Variants in FAAH observed in about 807,000 individuals in gnomAD.
FAAH encodes fatty-acid amide hydrolase 1.
FAAH carries 63 observed loss-of-function variants against 69.7 expected under a neutral mutation model. That is an observed-to-expected ratio of 0.90 (90% CI 0.74 to 1.12). The LOEUF (loss-of-function observed/expected upper bound fraction) is 1.12. FAAH is among the 50% of genes most tolerant of loss of function. FAAH has a pLI of 0.00. For synonymous variants in FAAH, 305 were observed against 324.2 expected, an observed-to-expected ratio of 0.94 and a Z score of 0.64; for missense variants, 680 against 755.0, an observed-to-expected ratio of 0.90 and a Z score of 1.16.
rs771614610 is a variant in FAAH at position 46,410,997 on chromosome 1, C to T, written c.1316+143C>T. 2.1e-6 allele frequency: 2 copies of T among 941,332 alleles called. No homozygotes were observed. The highest frequency in any genetic ancestry group is 2.0e-5 in the Admixed American group (1 of 51,106). 58.3% of individuals were successfully genotyped at this position (941,332 alleles called of 1,614,324 possible). A position where few individuals can be genotyped will look rare whatever the true frequency, so the allele number is the denominator to read the frequency against. On this transcript the variant is annotated intron_variant, in intron 11 of 14. Transcript: ENST00000243167. The surrounding 1 kb of genome is among the most constrained non-coding windows in gnomAD (Gnocchi z 4.9). ...CCAGGCAGGGGGGCAACCTTTGTGG[C>T]CTTCAGATGGGACTTTGAAGTTGTC...
At position 46,394,356 on chromosome 1, in the gene FAAH, A is replaced by G. The variant is rs1402412100; in HGVS notation, c.8A>G (p.Gln3Arg). The G allele has an allele frequency of 1.9e-6, 3 of 1,557,362 alleles. No individual in the cohort carries two copies. The highest frequency in any genetic ancestry group is 2.6e-6 in the Non-Finnish European group (3 of 1,156,484). The change falls in exon 1 of 15, where the codon CAG (glutamine) becomes CGG (arginine). Residue 3 changes from glutamine (Q) to arginine (R), a missense_variant. By Grantham distance (43) the Gln-to-Arg change is conservative. Coordinates refer to ENST00000243167, the MANE Select transcript of FAAH (RefSeq NM_001441.3). Reference sequence around the variant, plus strand: ...CAGCAGGCTGAAGGGATCATGGTGCAGTACGAGCTGTGGGCCGCGCTGCCT... The same window carrying G: ...CAGCAGGCTGAAGGGATCATGGTGCGGTACGAGCTGTGGGCCGCGCTGCCT... The part of the protein sequence containing the change: MV[Q>R]YELWAALPGA...
intron 2 of FAAH, 90 bp downstream of exon 2, chr1:46,402,294 C>G: frequency 8.6e-7 from 1 of 1,168,208 alleles, no homozygotes; most frequent in African/African-American, 1.5e-5. Context: ...TCCGCACAGG[C>G]TGTGGGGAAA....
intron 2 of FAAH, among the ~76,000 whole-genome samples, chr1:46,403,072 G>C (rs963504907): frequency 6.6e-6 from 1 of 152,068 alleles, no homozygotes; most frequent in Non-Finnish European, 1.5e-5. Context: ...GACCTCAGGT[G>C]ATCCACCCGC....
intron 1 of FAAH, among the ~76,000 whole-genome samples, chr1:46,400,360 G>A (rs1159593311): frequency 6.6e-6 from 1 of 152,122 alleles, no homozygotes. Flanking sequence ...GGCCCTAGTG[G>A]AAAGTGTGGG....
chr1:46,412,333 C>T lies in FAAH; in HGVS notation c.1465+82C>T, dbSNP rs544787040. 6.7e-4 allele frequency: 809 copies of T among 1,201,752 alleles called. 1 individual carries two copies. Among genetic ancestry groups the T allele is most frequent in the Non-Finnish European group, 8.6e-4 (723 of 837,794 alleles). The allele number at this position is 1,201,752 out of a possible 1,614,324, so 74.4% of individuals were successfully genotyped here. A position where few individuals can be genotyped will look rare whatever the true frequency, so the allele number is the denominator to read the frequency against. Reference sequence around the variant, plus strand: ...GCTGCGAGGAAATGGAAGAAGAGCCCTCTGGGAGGACCCTGCCCTCTCGGG... The same window carrying T: ...GCTGCGAGGAAATGGAAGAAGAGCCTTCTGGGAGGACCCTGCCCTCTCGGG... On this transcript the variant is annotated intron_variant, in intron 13 of 14. Coordinates refer to ENST00000243167, the MANE Select transcript of FAAH (RefSeq NM_001441.3).
intron 7 of FAAH, among the ~76,000 whole-genome samples, chr1:46,407,204 G>A (rs1000247574): frequency 4.6e-5 from 7 of 152,242 alleles, no homozygotes; most frequent in Non-Finnish European, 1.0e-4. Context: ...TGGCGAGGCA[G>A]CACTGTCTTG....
chr1:46,405,828 G>A lies in FAAH; in HGVS notation c.785+34G>A, dbSNP rs765607874. On this transcript the variant is annotated intron_variant, in intron 5 of 14. Coordinates refer to ENST00000243167, the MANE Select transcript of FAAH (RefSeq NM_001441.3). The surrounding 1 kb of genome is among the most constrained non-coding windows in gnomAD (Gnocchi z 4.1). ...GGTGGAGGGCGCTTCTGGGCCCCTC[G>A]CTGTGTGACCTTGGCCTAGCTTCCA... 6.2e-7 allele frequency: 1 copy of A among 1,611,138 alleles called. No homozygotes were observed. Among genetic ancestry groups the A allele is most frequent in the Admixed American group, 1.7e-5 (1 of 59,646 alleles).
Position 46,412,130 on chromosome 1 carries a change from G to A in FAAH, c.1357-13G>A. 1 of 1,551,306 alleles carries A rather than the reference G, an allele frequency of 6.4e-7. No homozygotes were observed. The highest frequency in any genetic ancestry group is 2.4e-5 in the East Asian group (1 of 41,012). ...TCTGAGTGCTTTCACCTGGTGTGTT[G>A]TGTCCTCCGCAGGTGTACCGCAAAA... is the stretch of plus-strand genomic sequence containing the variant. On this transcript the variant is annotated splice_polypyrimidine_tract_variant and intron_variant, in intron 12 of 14. Coordinates refer to ENST00000243167, the MANE Select transcript of FAAH (RefSeq NM_001441.3).
chr1:46,394,413 T>TC lies in FAAH; in HGVS notation c.66dup (p.Val23ArgfsTer67). 1 of 1,486,370 alleles carries TC rather than the reference T, an allele frequency of 6.7e-7. No homozygotes were observed. Among genetic ancestry groups the TC allele is most frequent in the Non-Finnish European group, 8.9e-7 (1 of 1,122,124 alleles). 92.1% of individuals were successfully genotyped at this position (1,486,370 alleles called of 1,614,324 possible). A position where few individuals can be genotyped will look rare whatever the true frequency, so the allele number is the denominator to read the frequency against. On this transcript the variant is annotated frameshift_variant, in exon 1 of 15. Transcript: ENST00000243167. LOFTEE classifies it high-confidence loss of function. ...TCCGGGGTCGCCCTGGCCTGCTGCT[T>TC]CGTGGCGGCGGCCGTGGCCCTGCGC...
In FAAH at chr1:46,405,377, G is replaced by A; in HGVS notation, c.450G>A (p.Gln150=). The A allele has an allele frequency of 6.2e-7, 1 of 1,610,738 alleles. No individual in the cohort carries two copies. Among genetic ancestry groups the A allele is most frequent in the Non-Finnish European group, 8.5e-7 (1 of 1,180,002 alleles). The change falls in exon 4 of 15, where the codon CAG becomes CAA. Residue 150 remains glutamine, a synonymous_variant. Transcript: ENST00000243167. The surrounding 1 kb of genome is among the most constrained non-coding windows in gnomAD (Gnocchi z 4.1). Reference sequence around the variant, plus strand: ...GTGCCCATCCCTCCTCCCAGGGCCAGGACTCCACGCTGGGCTTGAGCCTGA... The same window carrying A: ...GTGCCCATCCCTCCTCCCAGGGCCAAGACTCCACGCTGGGCTTGAGCCTGA... ...SLKECFTYKG[Q]DSTLGLSLNE...
intron 13 of FAAH, 145 bp from the exon 14 acceptor site, chr1:46,412,930 C>A (rs1664942149): frequency 6.1e-6 from 6 of 988,458 alleles, no homozygotes; most frequent in Non-Finnish European, 7.7e-6. Context: ...AATTCCTGGG[C>A]TTTGTCACTC....
rs1056429846 is a variant in FAAH, at chr1:46,404,678, G to A, written c.310-336G>A. Among the ~76,000 whole-genome samples, 6 of 152,202 alleles carry A rather than the reference G, an allele frequency of 3.9e-5. No homozygotes were observed. The highest frequency in any genetic ancestry group is 3.9e-4 in the Admixed American group (6 of 15,288). On this transcript the variant is annotated intron_variant, in intron 2 of 14. Transcript: ENST00000243167. The surrounding 1 kb of genome is among the most constrained non-coding windows in gnomAD (Gnocchi z 4.5). ...TCACTGGCAGAGATGTGGCTTGGGG[G>A]AGGTGAGGGAGTGGCCAGTGGTCAT...
rs537079478 is a variant in FAAH at position 46,405,606 on chromosome 1, C to G, written c.597C>G (p.Pro199=). The change falls in exon 5 of 15, where the codon CCC becomes CCG. Residue 199 remains proline (P), a synonymous_variant. Coordinates refer to ENST00000243167, the MANE Select transcript of FAAH (RefSeq NM_001441.3). The surrounding 1 kb of genome is among the most constrained non-coding windows in gnomAD (Gnocchi z 4.1). ...CCTCCAGCTATGACTGCAGTAACCC[C>G]CTCTTTGGCCAGACCGTGAACCCAT... ...QSMFSYDCSN[P]LFGQTVNPWK... The G allele has an allele frequency of 6.2e-7, 1 of 1,613,518 alleles. No individual in the cohort carries two copies. The highest frequency in any genetic ancestry group is 1.1e-5 in the South Asian group (1 of 91,056).
chr1:46,408,292 G>A (rs1226691822), intron 7 of FAAH, among the ~76,000 whole-genome samples, 167 bp from the exon 8 acceptor site: 2 of 152,180 alleles, frequency 1.3e-5, no homozygotes, highest in African/African-American at 4.8e-5. Flanking sequence ...GCCCACCTGA[G>A]TCACTGTGAA....
intron 9 of FAAH, among the ~76,000 whole-genome samples, chr1:46,409,736 G>A (rs1207240638): frequency 6.6e-6 from 1 of 152,166 alleles, no homozygotes; most frequent in East Asian, 1.9e-4. Context: ...GCCTGCAAAG[G>A]TGCCTCCTGG....
At chr1:46,402,232 C>A in intron 2 of FAAH, 28 bp downstream of exon 2, 1 of 1,547,206 alleles carries the variant, frequency 6.5e-7, no homozygotes, top group Non-Finnish European at 8.7e-7. Context: ...CAGCCCCTCC[C>A]TGGGAAAGGT....
chr1:46,394,496 G>T lies in FAAH; in HGVS notation c.148G>T (p.Ala50Ser), dbSNP rs758819420. 7.2e-7 allele frequency: 1 copy of T among 1,398,542 alleles called. No homozygotes were observed. The highest frequency in any genetic ancestry group is 1.6e-5 in the South Asian group (1 of 62,920). The allele number at this position is 1,398,542 out of a possible 1,614,324, so 86.6% of individuals were successfully genotyped here. A position where few individuals can be genotyped will look rare whatever the true frequency, so the allele number is the denominator to read the frequency against. The change falls in exon 1 of 15, where the codon GCG (alanine) becomes TCG (serine). Residue 50 changes from alanine to serine, a missense_variant. Coordinates refer to ENST00000243167, the MANE Select transcript of FAAH (RefSeq NM_001441.3). ...AVVRARQRQR[A>S]GLENMDRAAQ... ...GGTCCGGGCGCGACAGAGGCAGCGA[G>T]CGGGCCTGGAGAACATGGACAGGGC...
At chr1:46,412,432 A>G (rs1310801450) in intron 13 of FAAH, among the ~76,000 whole-genome samples, 181 bp downstream of exon 13, 2 of 152,252 alleles carry the variant, frequency 1.3e-5, no homozygotes, top group Non-Finnish European at 1.5e-5. Flanking sequence ...TCCTGTCATC[A>G]GCACTATTCA....
chr1:46,396,536 A>C (rs1359274928), intron 1 of FAAH, among the ~76,000 whole-genome samples: 1 of 152,232 alleles, frequency 6.6e-6, no homozygotes, highest in East Asian at 1.9e-4. Flanking sequence ...TTTCTTGGGC[A>C]GAGGTGCCTG....
Sources: gnomAD v4.1 joint callset for allele counts (sites outside exome capture counted in the v4.1 genomes callset) on GRCh38, gnomAD v4.1.1 for gene constraint, Gnocchi (gnomAD v3.1) non-coding constraint, MANE v1.5 for transcripts, NCBI Gene and HGNC (gene_info 2026-07-23, HGNC 2026-07-21) for gene names.